The following HCN1 variants were observed in gnomAD, a reference collection of about 807,000 sequenced individuals.
HCN1 encodes potassium/sodium hyperpolarization-activated cyclic nucleotide-gated channel 1.
Under a neutral mutation model 78.9 loss-of-function variants are expected in HCN1, and 13 were observed. That is an observed-to-expected ratio of 0.16 (90% CI 0.11 to 0.26). The LOEUF (loss-of-function observed/expected upper bound fraction) is 0.26, where lower values mean the gene tolerates loss of function less well. Ranked by LOEUF, HCN1 falls within the 10% of genes least tolerant of loss-of-function variation. The pLI, the probability that HCN1 is intolerant of heterozygous loss-of-function variation, is 1.00. For missense variants in HCN1, 810 were observed against 1,154.3 expected, an observed-to-expected ratio of 0.70 and a Z score of 4.32; for synonymous variants, 552 against 455.5, an observed-to-expected ratio of 1.21 and a Z score of -2.70.
At chr5:45,372,258 T>TTATATTTTATATATAATATATA (rs1561128227) in intron 4 of HCN1, among the ~76,000 whole-genome samples, 5 of 50,268 alleles carry the variant, frequency 9.9e-5, no homozygotes, top group East Asian at 2.3e-3. Context: ...ATAATATATA[T>TTATATTTTATATATAATATATA]TTATATATAT....
intron 2 of HCN1, among the ~76,000 whole-genome samples, chr5:45,588,221 T>C (rs1744279068): frequency 6.6e-6 from 1 of 152,184 alleles, no homozygotes; most frequent in African/African-American, 2.4e-5. Context: ...GAAGTCAAGA[T>C]AATATAATAA....
Position 45,376,473 on chromosome 5 carries a change from G to T in HCN1, c.1230+20019C>A, listed in dbSNP as rs182298172. Among the ~76,000 whole-genome samples, 4 of 150,062 alleles carry T rather than the reference G, an allele frequency of 2.7e-5. No individual in the cohort carries two copies. The East Asian group carries it at 7.8e-4, about 29-fold the overall frequency. ...CCCTCATCAGACACCAGATTGGCTA[G>T]TGTCTTGATCTTGGACTTGTCAGCC... On this transcript the variant is annotated intron_variant, in intron 4 of 7. Transcript: ENST00000303230.
rs149875921 is a variant in HCN1 at position 45,363,831 on chromosome 5, C to T, written c.1231-10585G>A. Among the ~76,000 whole-genome samples the T allele has an allele frequency of 3.7e-3, 562 of 152,100 alleles. 10 individuals are homozygous for T. Among genetic ancestry groups the T allele is most frequent in the African/African-American group, 0.013 (532 of 41,510 alleles). ...GTGCCTTTCTCCTCCTGCCATGATT[C>T]TGAAGCCTTCTCAGCCATGTGGAAC... On this transcript the variant is annotated intron_variant, in intron 4 of 7. Coordinates refer to ENST00000303230, the MANE Select transcript of HCN1 (RefSeq NM_021072.4).
intron 3 of HCN1, among the ~76,000 whole-genome samples, chr5:45,416,479 C>A (rs1740122107): frequency 6.6e-6 from 1 of 151,916 alleles, no homozygotes. Flanking sequence ...GCAGAAATTG[C>A]TTTTGGTTTC....
intron 2 of HCN1, among the ~76,000 whole-genome samples, chr5:45,639,528 T>C (rs1745414773): frequency 1.3e-5 from 2 of 152,200 alleles, no homozygotes; most frequent in African/African-American, 4.8e-5. Context: ...AGTTGAAATA[T>C]ACACTAATTT....
chr5:45,559,487 C>T (rs1161743180), intron 2 of HCN1: 9 of 152,196 alleles, frequency 5.9e-5, no homozygotes, highest in Non-Finnish European at 1.3e-4. Context: ...TTCCAACTTT[C>T]ATGGATGACT....
chr5:45,576,940 CT>C (rs1481064114), intron 2 of HCN1, among the ~76,000 whole-genome samples: 13 of 152,102 alleles, frequency 8.5e-5, no homozygotes, highest in African/African-American at 2.9e-4. Flanking sequence ...TATGCTAAGG[CT>C]TTTAACCCTC....
chr5:45,506,920 T>C (rs913199539), intron 2 of HCN1, among the ~76,000 whole-genome samples: 23 of 152,158 alleles, frequency 1.5e-4, no homozygotes, highest in Admixed American at 3.9e-4. Context: ...CAAACCTGCA[T>C]ACTAAAAGTG....
intron 6 of HCN1, among the ~76,000 whole-genome samples, chr5:45,289,828 A>C (rs1745336194): frequency 6.6e-6 from 1 of 152,058 alleles, no homozygotes. Flanking sequence ...TCAAAGTTCA[A>C]GATCAGGGTG....
At chr5:45,265,499 C>T (rs936140180) in intron 7 of HCN1, among the ~76,000 whole-genome samples, 7 of 152,134 alleles carry the variant, frequency 4.6e-5, no homozygotes, top group Admixed American at 1.3e-4. Context: ...ATTTCTAATA[C>T]GTTTGTTATA....
At chr5:45,486,507 G>A (rs76763159) in intron 2 of HCN1, among the ~76,000 whole-genome samples, 4,639 of 152,184 alleles carry the variant, frequency 0.03, 276 homozygotes, top group African/African-American at 0.1. Flanking sequence ...CTCATGGGGT[G>A]TATTCAGAAA....
chr5:45,664,288 T>C (rs1329838893), intron 1 of HCN1, among the ~76,000 whole-genome samples: 1 of 117,250 alleles, frequency 8.5e-6, no homozygotes, highest in Non-Finnish European at 1.7e-5. Context: ...AAGGGGAATA[T>C]CACACTCTGG....
intron 4 of HCN1, among the ~76,000 whole-genome samples, chr5:45,368,699 A>T (rs1216181761): frequency 7.5e-6 from 1 of 133,758 alleles, no homozygotes; most frequent in African/African-American, 3.5e-5. Context: ...CCTTCATCAA[A>T]ACCTCATCTT....
At chr5:45,267,308 G>C in intron 6 of HCN1, 55 bp from the exon 7 acceptor site, 1 of 1,521,462 alleles carries the variant, frequency 6.6e-7, no homozygotes, top group Non-Finnish European at 9.1e-7. Context: ...TCTTTTAAAA[G>C]CCATTAAGGC....
intron 2 of HCN1, among the ~76,000 whole-genome samples, chr5:45,630,977 C>T (rs572420634): frequency 6.6e-6 from 1 of 151,966 alleles, no homozygotes; most frequent in African/African-American, 2.4e-5. Context: ...CATACAGGAG[C>T]TATATTATAA....
In HCN1 at chr5:45,476,904, T is replaced by C. The variant is rs75286386; in HGVS notation, c.850-14897A>G. Reference sequence around the variant, plus strand: ...TACCTTCAGGCTATGTGGATAAGGCTAAGTAAAGGATTAATAAATAATTGT... The same window carrying C: ...TACCTTCAGGCTATGTGGATAAGGCCAAGTAAAGGATTAATAAATAATTGT... On this transcript the variant is annotated intron_variant, in intron 2 of 7. Coordinates refer to ENST00000303230, the MANE Select transcript of HCN1 (RefSeq NM_021072.4). 5.0e-3 allele frequency among the ~76,000 whole-genome samples: 762 copies of C among 152,232 alleles called. 4 individuals carry two copies. Among genetic ancestry groups the C allele is most frequent in the African/African-American group, 0.017 (727 of 41,564 alleles).
intron 3 of HCN1, among the ~76,000 whole-genome samples, chr5:45,431,783 A>G (rs1740468532): frequency 6.6e-6 from 1 of 152,020 alleles, no homozygotes; most frequent in African/African-American, 2.4e-5. Flanking sequence ...ATTCTGCTCT[A>G]TTGGTCTATG....
chr5:45,632,354 A>G (rs2112012962), intron 2 of HCN1, among the ~76,000 whole-genome samples: 1 of 152,022 alleles, frequency 6.6e-6, no homozygotes, highest in East Asian at 1.9e-4. Context: ...TTATAAGAAA[A>G]ATGACTAATA....
rs183745086 is a variant in HCN1 at position 45,446,001 on chromosome 5, G to A, written c.1011+15845C>T. Among the ~76,000 whole-genome samples the A allele has an allele frequency of 3.6e-3, 548 of 152,290 alleles. 3 individuals are homozygous for A. The highest frequency in any genetic ancestry group is 5.1e-3 in the Non-Finnish European group (348 of 68,030). ...AGCATCTCTCCTCCTCCAAAGGAAC[G>A]CAGTTCCTCACCAGCAACAGAACAA... On this transcript the variant is annotated intron_variant, in intron 3 of 7. Coordinates refer to ENST00000303230, the MANE Select transcript of HCN1 (RefSeq NM_021072.4).
Sources: gnomAD v4.1 joint callset for allele counts (sites outside exome capture counted in the v4.1 genomes callset) on GRCh38, gnomAD v4.1.1 for gene constraint, MANE v1.5 for transcripts, NCBI Gene and HGNC (gene_info 2026-07-23, HGNC 2026-07-21) for gene names.